The following EPHA6 variants were observed in gnomAD, a reference collection of about 807,000 sequenced individuals.
The protein encoded by EPHA6 is EPH receptor A6.
In EPHA6, 50 loss-of-function variants were observed where a neutral mutation model predicts 112.0. That is an observed-to-expected ratio of 0.45 (90% CI 0.36 to 0.56). EPHA6 has a LOEUF of 0.56. EPHA6 is among the 20% of genes least tolerant of loss of function. The pLI is 0.00. For missense variants in EPHA6, 1,280 were observed against 1,417.4 expected (o/e 0.90, Z 1.56); for synonymous variants, 529 against 490.7 (o/e 1.08, Z -1.03).
At chr3:96,932,505 C>A (rs1435379216) in intron 2 of EPHA6, among the ~76,000 whole-genome samples, 4 of 152,106 alleles carry the variant, frequency 2.6e-5, no homozygotes, top group Non-Finnish European at 1.5e-5. Context: ...TTACTTAAAC[C>A]ATACAAATTA....
intron 10 of EPHA6, among the ~76,000 whole-genome samples, chr3:97,489,602 C>T (rs1269271779): frequency 6.6e-6 from 1 of 150,690 alleles, no homozygotes; most frequent in Admixed American, 6.6e-5. Flanking sequence ...AAGAGAATGG[C>T]ATGAACCCGG....
intron 3 of EPHA6, among the ~76,000 whole-genome samples, chr3:97,077,892 C>A (rs2046586566): frequency 6.6e-6 from 1 of 152,168 alleles, no homozygotes; most frequent in Non-Finnish European, 1.5e-5. Flanking sequence ...GATTTATAAT[C>A]CTTTGGGTAT....
At chr3:96,970,441 T>G (rs1193982457) in intron 2 of EPHA6, among the ~76,000 whole-genome samples, 1 of 152,088 alleles carries the variant, frequency 6.6e-6, no homozygotes, top group African/African-American at 2.4e-5. Context: ...TGAGTCATCC[T>G]GGTGTCTTTA....
At chr3:96,957,064 A>T (rs1049060285) in intron 2 of EPHA6, among the ~76,000 whole-genome samples, 1 of 151,944 alleles carries the variant, frequency 6.6e-6, no homozygotes, top group Admixed American at 6.6e-5. Context: ...AACCACAGTG[A>T]TGAGAAAAAT....
At chr3:97,387,092 C>T (rs1438634335) in intron 5 of EPHA6, among the ~76,000 whole-genome samples, 2 of 152,216 alleles carry the variant, frequency 1.3e-5, no homozygotes, top group Non-Finnish European at 2.9e-5. Flanking sequence ...CCTCCTAGGC[C>T]TCCAGGCCTG....
chr3:97,414,216 T>G (rs1442238676), intron 6 of EPHA6, among the ~76,000 whole-genome samples: 1 of 152,008 alleles, frequency 6.6e-6, no homozygotes, highest in Non-Finnish European at 1.5e-5. Flanking sequence ...TCCCAATAAT[T>G]TTTTATATAG....
intron 3 of EPHA6, among the ~76,000 whole-genome samples, chr3:97,193,694 G>A (rs958745116): frequency 3.9e-5 from 6 of 151,912 alleles, no homozygotes; most frequent in Non-Finnish European, 5.9e-5. Context: ...TGGTGACAGT[G>A]GGCATCCTTG....
At chr3:97,666,284 T>G (rs923300650) in intron 14 of EPHA6, among the ~76,000 whole-genome samples, 1 of 152,198 alleles carries the variant, frequency 6.6e-6, no homozygotes, top group African/African-American at 2.4e-5. Flanking sequence ...AGAGAGATTG[T>G]GCTTTTATTG....
At chr3:97,522,876 G>T (rs2092565047) in intron 10 of EPHA6, among the ~76,000 whole-genome samples, 1 of 151,946 alleles carries the variant, frequency 6.6e-6, no homozygotes, top group Admixed American at 6.6e-5. Flanking sequence ...TGTGGTATCT[G>T]TTGGAATATC....
At chr3:96,940,043 T>G (rs1035926513) in intron 2 of EPHA6, among the ~76,000 whole-genome samples, 1 of 152,214 alleles carries the variant, frequency 6.6e-6, no homozygotes, top group South Asian at 2.1e-4. Context: ...AATTTTGGAA[T>G]ACGTGTGGTG....
intron 11 of EPHA6, among the ~76,000 whole-genome samples, chr3:97,548,555 G>T (rs749904944): frequency 4.0e-4 from 61 of 151,720 alleles, no homozygotes; most frequent in Non-Finnish European, 8.5e-4. Flanking sequence ...TTTCTCTCTT[G>T]CCTTCTGTAT....
At chr3:97,618,624 C>T (rs1029631466) in intron 13 of EPHA6, among the ~76,000 whole-genome samples, 3 of 152,034 alleles carry the variant, frequency 2.0e-5, no homozygotes, top group Non-Finnish European at 1.5e-5. Flanking sequence ...TCAGAGAATA[C>T]TATAAACACC....
Position 97,316,821 on chromosome 3 carries a change from A to G in EPHA6, c.1606+72534A>G, listed in dbSNP as rs575821825. ...GGAAGTAATCAGTAAAGCTTTCATT[A>G]AAGTAAAAATATTAATAATCTAAAC... On this transcript the variant is annotated intron_variant, in intron 5 of 17. Coordinates refer to ENST00000389672, the MANE Select transcript of EPHA6 (RefSeq NM_001080448.3). 1.8e-4 allele frequency among the ~76,000 whole-genome samples: 27 copies of G among 146,570 alleles called. No individual in the cohort carries two copies. In the South Asian group the frequency reaches 5.2e-3, roughly 28 times the overall value.
At chr3:96,870,620 T>A (rs1159118548) in intron 2 of EPHA6, among the ~76,000 whole-genome samples, 1 of 152,118 alleles carries the variant, frequency 6.6e-6, no homozygotes, top group East Asian at 1.9e-4. Context: ...TACATAAAAT[T>A]AACCATCACA....
intron 5 of EPHA6, among the ~76,000 whole-genome samples, chr3:97,312,687 A>T (rs1002279921): frequency 4.6e-5 from 7 of 151,352 alleles, no homozygotes; most frequent in African/African-American, 1.7e-4. Flanking sequence ...GTTTTTTTTT[A>T]AATAAATGGA....
chr3:97,150,506 C>A (rs772135548), intron 3 of EPHA6, among the ~76,000 whole-genome samples: 1 of 152,062 alleles, frequency 6.6e-6, no homozygotes, highest in Non-Finnish European at 1.5e-5. Context: ...TCTAATTCTG[C>A]AAGCTCAGGG....
chr3:97,494,336 G>A (rs997726697), intron 10 of EPHA6, among the ~76,000 whole-genome samples: 5 of 151,988 alleles, frequency 3.3e-5, no homozygotes, highest in Non-Finnish European at 5.9e-5. Context: ...AACTTTCCTC[G>A]CAGTAAGTGA....
intron 3 of EPHA6, among the ~76,000 whole-genome samples, chr3:97,036,567 G>A (rs998555670): frequency 6.6e-6 from 1 of 151,958 alleles, no homozygotes. Context: ...CAACTTGGAC[G>A]TTCTTCTATT....
rs538230633 is a variant in EPHA6, at chr3:96,852,242, C to A, written c.386-14583C>A. Among the ~76,000 whole-genome samples, 5 of 152,038 alleles carry A rather than the reference C, an allele frequency of 3.3e-5. No individual in the cohort carries two copies. The South Asian group carries it at 1.0e-3, about 32-fold the overall frequency. ...GGTGCAGTGGCTCATGTCTATATTC[C>A]CAGCACTTTGGGAGGCTGACCTGGG... is the stretch of plus-strand genomic sequence containing the variant. On this transcript the variant is annotated intron_variant, in intron 1 of 17. Transcript: ENST00000389672.
Sources: allele counts gnomAD v4.1 joint callset (sites outside exome capture counted in the v4.1 genomes callset), GRCh38; gene constraint gnomAD v4.1.1; transcripts MANE v1.5; gene names NCBI Gene and HGNC (gene_info 2026-07-23, HGNC 2026-07-21).